BEX2: variants seen among roughly 807,000 people sequenced by gnomAD.
The protein encoded by BEX2 is brain expressed X-linked 2, also known as protein BEX2.
Under a neutral mutation model 4.1 loss-of-function variants are expected in BEX2, and 2 were observed. The observed-to-expected ratio is 0.49, with a 90% CI of 0.20 to 1.53. The LOEUF (loss-of-function observed/expected upper bound fraction) is 1.53, where lower values mean the gene tolerates loss of function less well. Among genes scored for constraint, BEX2 ranks in the 40% most tolerant of loss-of-function variants. The pLI is 0.23. For missense variants in BEX2, 94 were observed against 99.9 expected (o/e 0.94, Z 0.25); for synonymous variants, 34 against 35.9 (o/e 0.95, Z 0.19).
rs1160225827 is a variant in BEX2 at position 103,309,820 on chromosome X, G to A, written c.157C>T (p.Arg53Cys). Residue 53 changes from arginine to cysteine, a missense_variant, in exon 3 of 3, where the codon CGT becomes TGT. Physicochemically the swap from Arg to Cys is radical, Grantham distance 180. Transcript: ENST00000372677. ...VSEYCVPRGNRRRFRVRQPIL... is the reference protein window; with the variant it reads ...VSEYCVPRGNCRRFRVRQPIL... ...GGCTGCCTAACGCGGAACCGCCTAC[G>A]GTTTCCTCTAGGCACACAGTATTCA... 5.0e-6 allele frequency: 6 copies of A among 1,211,951 alleles called. No homozygotes were observed. Among genetic ancestry groups the A allele is most frequent in the Non-Finnish European group, 6.7e-6 (6 of 895,554 alleles).
At chrX:103,310,493 C>T in intron 1 of BEX2, 60 bp from the exon 2 acceptor site, 2 of 1,149,078 alleles carry the variant, frequency 1.7e-6, no homozygotes, top group Non-Finnish European at 2.3e-6. Context: ...AGAGAGGACC[C>T]GCCGCCACCC....
intron 2 of BEX2, 106 bp downstream of exon 2, chrX:103,310,252 G>C: frequency 2.3e-6 from 2 of 883,215 alleles, no homozygotes; most frequent in Non-Finnish European, 3.1e-6. Context: ...AAGAAGGGGT[G>C]GGGGTGGGGG....
chrX:103,309,743 T>C lies in BEX2; in HGVS notation c.234A>G (p.Ala78=). 1 of 1,211,735 alleles carries C rather than the reference T, an allele frequency of 8.3e-7. No individual in the cohort carries two copies. Among genetic ancestry groups the C allele is most frequent in the Non-Finnish European group, 1.1e-6 (1 of 895,525 alleles). Residue 78 remains alanine (A), a synonymous_variant, in exon 3 of 3, where the codon GCA becomes GCG. Transcript: ENST00000372677. ...TTTCCATATTCTCCTCTCTCATCCT[T>C]GCCTGTGGCTCTCCAAGCCTATGCA... ...DIMHRLGEPQ[A]RMREENMERI...
Sources: allele counts gnomAD v4.1 joint callset, GRCh38; gene constraint gnomAD v4.1.1; transcripts MANE v1.5; gene names NCBI Gene and HGNC (gene_info 2026-07-23, HGNC 2026-07-21).